POLK: variants seen among roughly 807,000 people sequenced by gnomAD.
POLK encodes the protein polymerase (DNA directed) kappa.
A neutral mutation model predicts 94.0 loss-of-function variants in POLK; 76 were observed. The observed-to-expected ratio is 0.81, with a 90% CI of 0.67 to 0.98. The LOEUF (loss-of-function observed/expected upper bound fraction) is 0.98. Among genes scored for constraint, POLK ranks in the 50% least tolerant of loss-of-function variants. The probability of loss-of-function intolerance (pLI) is 0.00; values close to 1 mark genes in which losing one functional copy is unlikely to be tolerated. For missense variants in POLK, 954 were observed against 1,010.1 expected (o/e 0.94, Z 0.75); for synonymous variants, 349 against 325.4 (o/e 1.07, Z -0.78).
At chr5:75,533,632 C>G (rs1249460237) in intron 1 of POLK, among the ~76,000 whole-genome samples, 1 of 152,046 alleles carries the variant, frequency 6.6e-6, no homozygotes, top group African/African-American at 2.4e-5. Flanking sequence ...TGAAGAGTGT[C>G]CTTTGTAGTT....
intron 1 of POLK, among the ~76,000 whole-genome samples, chr5:75,543,722 G>A (rs1769868394): frequency 6.6e-6 from 1 of 152,128 alleles, no homozygotes; most frequent in African/African-American, 2.4e-5. Flanking sequence ...CAGGAAGGTA[G>A]CAAAAAACTA....
intron 1 of POLK, among the ~76,000 whole-genome samples, chr5:75,520,907 T>C (rs1768546621): frequency 6.6e-6 from 1 of 152,208 alleles, no homozygotes; most frequent in Non-Finnish European, 1.5e-5. Context: ...TCAATGGCAG[T>C]TGTTTCTTTC....
intron 11 of POLK, among the ~76,000 whole-genome samples, chr5:75,593,270 T>G (rs1192280153): frequency 2.0e-5 from 3 of 151,984 alleles, no homozygotes; most frequent in Non-Finnish European, 4.4e-5. Flanking sequence ...CCGCTGGGAT[T>G]ACAGGTGCCT....
At chr5:75,551,058 AAAAAC>A (rs2112656092) in intron 2 of POLK, among the ~76,000 whole-genome samples, 1 of 152,126 alleles carries the variant, frequency 6.6e-6, no homozygotes, top group African/African-American at 2.4e-5. Context: ...CCTGTCTCTT[AAAAAC>A]AAAACAAAAC....
intron 3 of POLK, among the ~76,000 whole-genome samples, chr5:75,554,306 A>G (rs904313507): frequency 3.9e-5 from 6 of 152,006 alleles, no homozygotes; most frequent in African/African-American, 1.4e-4. Context: ...GGGAGTTTAT[A>G]TCTATTTATC....
intron 1 of POLK, among the ~76,000 whole-genome samples, chr5:75,538,835 A>C (rs1030163703): frequency 1.3e-5 from 2 of 152,136 alleles, no homozygotes; most frequent in Admixed American, 1.3e-4. Context: ...TAGCGGCGCG[A>C]CATCAGCTCA....
At position 75,528,822 on chromosome 5, in the gene POLK, TAGAG is replaced by T. The variant is rs569609441; in HGVS notation, c.-14+16912_-14+16915del. ...CAAGATCCTGTCTCTTAAACAAAAA[TAGAG>T]AGAATTTAATGAAATAGATGTTATA... is the stretch of plus-strand genomic sequence containing the variant. On this transcript the variant is annotated intron_variant, in intron 1 of 14. Coordinates refer to ENST00000241436, the Ensembl canonical transcript of POLK. Among the ~76,000 whole-genome samples the T allele has an allele frequency of 5.0e-4, 76 of 152,168 alleles. 1 individual carries two copies. Among genetic ancestry groups the T allele is most frequent in the Admixed American group, 3.1e-3 (47 of 15,290 alleles).
intron 12 of POLK, among the ~76,000 whole-genome samples, chr5:75,594,734 G>C (rs958154283): frequency 1.3e-5 from 2 of 152,124 alleles, no homozygotes; most frequent in Non-Finnish European, 2.9e-5. Flanking sequence ...GAACTTTTTG[G>C]ATTTTGGAAT....
At chr5:75,597,590 A>G in intron 13 of POLK, 157 bp from the exon 14 acceptor site, 1 of 442,710 alleles carries the variant, frequency 2.3e-6, no homozygotes, top group Admixed American at 3.9e-5. Flanking sequence ...AAATTAGTAA[A>G]TTACAAAGAA....
chr5:75,531,155 T>C, intron 1 of POLK, among the ~76,000 whole-genome samples: 1 of 151,142 alleles, frequency 6.6e-6, no homozygotes, highest in African/African-American at 2.4e-5. Context: ...AATGAAAATG[T>C]TTTTTTTCCT....
chr5:75,515,922 T>G (rs1235511838), intron 1 of POLK, among the ~76,000 whole-genome samples: 1 of 152,190 alleles, frequency 6.6e-6, no homozygotes, highest in Non-Finnish European at 1.5e-5. Context: ...TTTTAAGCCA[T>G]TTTGACTGGG....
At chr5:75,602,898 G>A (rs1369968928), downstream of POLK, among the ~76,000 whole-genome samples, 2 of 152,186 alleles carry the variant, frequency 1.3e-5, no homozygotes, top group African/African-American at 4.8e-5. Context: ...CACCAGAAAT[G>A]TTTTATTTTA....
At chr5:75,604,577 A>G (rs140846708), downstream of POLK, among the ~76,000 whole-genome samples, 203 of 152,214 alleles carry the variant, frequency 1.3e-3, 2 homozygotes, top group African/African-American at 4.7e-3. Context: ...GGATCTTGCT[A>G]TGTGGCCTAG....
intron 6 of POLK, 148 bp from the exon 7 acceptor site, chr5:75,581,061 T>C (rs1316836567): frequency 1.2e-5 from 7 of 602,048 alleles, no homozygotes; most frequent in Non-Finnish European, 2.0e-5. Context: ...CATTAAATGA[T>C]AAATGATGGC....
chr5:75,559,778 T>C (rs1770875910), intron 3 of POLK, among the ~76,000 whole-genome samples: 1 of 151,990 alleles, frequency 6.6e-6, no homozygotes, highest in Non-Finnish European at 1.5e-5. Context: ...GGCCTCAAGC[T>C]ACCCTTCCAC....
Position 75,569,448 on chromosome 5 carries a change from G to T in POLK, c.364G>T (p.Glu122Ter). 5 of 1,613,766 alleles carry T rather than the reference G, an allele frequency of 3.1e-6. No homozygotes were observed. The highest frequency in any genetic ancestry group is 4.2e-6 in the Non-Finnish European group (5 of 1,179,746). ...AGCTGTAGAAATGAGGGACAATCCA[G>T]AATTGAAGGATAAACCCATTGCTGT... The change falls in exon 4 of 15, where the codon GAA becomes TAA. Residue 122 changes from glutamate to a stop codon, truncating the protein, a stop_gained. Transcript: ENST00000241436. LOFTEE classifies it high-confidence loss of function.
intron 1 of POLK, among the ~76,000 whole-genome samples, chr5:75,545,395 G>C (rs1470292479): frequency 6.6e-6 from 1 of 152,156 alleles, no homozygotes; most frequent in African/African-American, 2.4e-5. Flanking sequence ...TAATGTCATG[G>C]AGTGCATCAG....
In POLK at chr5:75,512,191, G is replaced by C. The variant is rs80312370; in HGVS notation, c.-14+277G>C. 1.5e-3 allele frequency: 258 copies of C among 177,576 alleles called. 1 individual carries two copies. Among genetic ancestry groups the C allele is most frequent in the African/African-American group, 5.9e-3 (248 of 42,370 alleles). The allele number at this position is 177,576 out of a possible 1,614,324, so 11.0% of individuals were successfully genotyped here. On this transcript the variant is annotated intron_variant, in intron 1 of 14. Coordinates refer to ENST00000241436, the Ensembl canonical transcript of POLK. ...GGGTTTTGTGAGCTACTAGTGCCAA[G>C]GGTTTTCTTTCCACCAGACCACCGC... is the stretch of plus-strand genomic sequence containing the variant.
At chr5:75,555,671 C>G (rs1234388670) in intron 3 of POLK, among the ~76,000 whole-genome samples, 6 of 152,020 alleles carry the variant, frequency 3.9e-5, no homozygotes, top group Admixed American at 3.9e-4. Flanking sequence ...CCTCGGCCTC[C>G]CGAGTAGCTG....
Sources: gnomAD v4.1 joint callset for allele counts (sites outside exome capture counted in the v4.1 genomes callset) on GRCh38, gnomAD v4.1.1 for gene constraint, MANE v1.5 for transcripts, NCBI Gene and HGNC (gene_info 2026-07-23, HGNC 2026-07-21) for gene names.